The following MKLN1 variants were observed in gnomAD, a reference collection of about 807,000 sequenced individuals.
The protein encoded by MKLN1 is muskelin.
In MKLN1, 18 loss-of-function variants were observed where a neutral mutation model predicts 99.0. The observed-to-expected ratio is 0.18, with a 90% CI of 0.13 to 0.27. The LOEUF (loss-of-function observed/expected upper bound fraction) is 0.27. Among genes scored for constraint, MKLN1 ranks in the 10% least tolerant of loss-of-function variants. MKLN1 has a pLI of 1.00. For synonymous variants in MKLN1, 288 were observed against 293.2 expected, an observed-to-expected ratio of 0.98 and a Z score of 0.18; for missense variants, 621 against 875.9, an observed-to-expected ratio of 0.71 and a Z score of 3.67.
intron 12 of MKLN1, among the ~76,000 whole-genome samples, chr7:131,454,980 A>G (rs1337485263): frequency 1.3e-5 from 2 of 152,230 alleles, no homozygotes; most frequent in Admixed American, 6.5e-5. Context: ...ATTTTGTTAC[A>G]TGAGCTAATT....
At chr7:131,154,956 C>T (rs1218141363) in intron 2 of MKLN1, among the ~76,000 whole-genome samples, 3 of 152,114 alleles carry the variant, frequency 2.0e-5, no homozygotes, top group African/African-American at 7.2e-5. Flanking sequence ...GAGAGAGTGA[C>T]TGATTCACTG....
At chr7:131,236,856 G>C (rs1797328812) in intron 3 of MKLN1, among the ~76,000 whole-genome samples, 1 of 152,034 alleles carries the variant, frequency 6.6e-6, no homozygotes. Flanking sequence ...GCATGCTGGT[G>C]CACTCCTGTA....
intron 3 of MKLN1, among the ~76,000 whole-genome samples, chr7:131,298,869 G>A (rs1028602958): frequency 3.9e-5 from 6 of 152,126 alleles, no homozygotes; most frequent in Admixed American, 1.3e-4. Context: ...ACTATCAAGC[G>A]AAATACTGAA....
chr7:131,418,448 A>T (rs574643488), intron 8 of MKLN1, among the ~76,000 whole-genome samples: 3 of 152,306 alleles, frequency 2.0e-5, no homozygotes, highest in African/African-American at 7.2e-5. Flanking sequence ...CATTGGAAGA[A>T]GAATTGTCTT....
At position 131,125,283 on chromosome 7, in the gene MKLN1, A is replaced by C. The variant is rs113958203; in HGVS notation, c.-419+15076A>C. 2.2e-4 allele frequency among the ~76,000 whole-genome samples: 34 copies of C among 152,348 alleles called. 1 individual carries two copies. The highest frequency in any genetic ancestry group is 7.7e-4 in the African/African-American group (32 of 41,584). On this transcript the variant is annotated intron_variant, in intron 1 of 7. Transcript: ENST00000416992. ...TTAAATTTAAACTAATTGCTTACTGAAGAAGTACTATTCTGTGCTTAATTC... is the reference window on the plus strand; with the variant it reads ...TTAAATTTAAACTAATTGCTTACTGCAGAAGTACTATTCTGTGCTTAATTC...
chr7:131,319,853 C>G (rs560121706), intron 3 of MKLN1, among the ~76,000 whole-genome samples: 14 of 152,138 alleles, frequency 9.2e-5, no homozygotes, highest in Middle Eastern at 3.4e-3. Flanking sequence ...GAATAAAATA[C>G]CTAGGAATAC....
At chr7:131,138,180 C>T (rs1418257657) in intron 1 of MKLN1, among the ~76,000 whole-genome samples, 7 of 151,954 alleles carry the variant, frequency 4.6e-5, no homozygotes, top group African/African-American at 1.7e-4. Context: ...CCACCTCTGC[C>T]TCTGCCTCCC....
At chr7:131,127,509 T>A (rs1315334277) in intron 1 of MKLN1, among the ~76,000 whole-genome samples, 1 of 152,192 alleles carries the variant, frequency 6.6e-6, no homozygotes. Context: ...GCCACGTCAC[T>A]GAACATGTGT....
At chr7:131,467,018 T>C (rs1263715607) in intron 15 of MKLN1, among the ~76,000 whole-genome samples, 1 of 152,154 alleles carries the variant, frequency 6.6e-6, no homozygotes, top group Non-Finnish European at 1.5e-5. Flanking sequence ...AGAAAAGGAT[T>C]TCTCTCCTTT....
chr7:131,256,149 A>G (rs746594695), intron 3 of MKLN1, among the ~76,000 whole-genome samples: 5 of 151,738 alleles, frequency 3.3e-5, no homozygotes, highest in Non-Finnish European at 5.9e-5. Flanking sequence ...CAGGTGATCC[A>G]CCCACCTCGG....
chr7:131,418,583 C>T (rs1442318916), intron 8 of MKLN1, among the ~76,000 whole-genome samples: 1 of 152,126 alleles, frequency 6.6e-6, no homozygotes, highest in Non-Finnish European at 1.5e-5. Context: ...CCATCCTGGG[C>T]CTCATGCAGC....
intron 11 of MKLN1, among the ~76,000 whole-genome samples, chr7:131,444,820 T>TAGA (rs1239956421): frequency 6.3e-5 from 9 of 143,802 alleles, no homozygotes; most frequent in South Asian, 2.2e-4. Flanking sequence ...GTAGTAGTAG[T>TAGA]AGAAGTGGAA....
At chr7:131,195,615 A>G (rs770360425) in intron 2 of MKLN1, among the ~76,000 whole-genome samples, 15 of 152,116 alleles carry the variant, frequency 9.9e-5, no homozygotes, top group African/African-American at 1.9e-4. Context: ...CATGAAATAT[A>G]TATGTAACCA....
chr7:131,349,772 A>G (rs941731285), intron 1 of MKLN1, among the ~76,000 whole-genome samples: 2 of 152,194 alleles, frequency 1.3e-5, no homozygotes, highest in African/African-American at 4.8e-5. Flanking sequence ...GGAGACACCA[A>G]ATCATGTTAG....
intron 3 of MKLN1, among the ~76,000 whole-genome samples, chr7:131,210,685 C>T (rs62471968): frequency 0.05 from 4,388 of 88,108 alleles, 177 homozygotes; most frequent in African/African-American, 0.11. Flanking sequence ...CCTGGGAGAT[C>T]GACTGAGACC....
At chr7:131,172,465 G>A (rs1331090565) in intron 2 of MKLN1, among the ~76,000 whole-genome samples, 9 of 151,814 alleles carry the variant, frequency 5.9e-5, no homozygotes, top group Admixed American at 1.3e-4. Flanking sequence ...ACAGGCACCC[G>A]CCACCACGCC....
intron 8 of MKLN1, among the ~76,000 whole-genome samples, chr7:131,419,531 C>T (rs908582171): frequency 2.6e-5 from 4 of 152,094 alleles, no homozygotes; most frequent in South Asian, 2.1e-4. Context: ...CATGAGCCAT[C>T]GTGCCTGGCC....
At chr7:131,131,355 G>A (rs1337910752) in intron 1 of MKLN1, among the ~76,000 whole-genome samples, 6 of 152,132 alleles carry the variant, frequency 3.9e-5, no homozygotes, top group African/African-American at 1.2e-4. Flanking sequence ...CAGCCTGGGC[G>A]ATAAAGCAAG....
At chr7:131,205,788 T>C (rs1231633804) in intron 3 of MKLN1, among the ~76,000 whole-genome samples, 1 of 152,096 alleles carries the variant, frequency 6.6e-6, no homozygotes, top group Non-Finnish European at 1.5e-5. Context: ...TTCCTTCTCA[T>C]GCACTTTCCC....
Sources: gnomAD v4.1 joint callset for allele counts (sites outside exome capture counted in the v4.1 genomes callset) on GRCh38, gnomAD v4.1.1 for gene constraint, MANE v1.5 for transcripts, NCBI Gene and HGNC (gene_info 2026-07-23, HGNC 2026-07-21) for gene names.